The following ADGRV1 variants were observed in gnomAD, a reference collection of about 807,000 sequenced individuals.
The protein encoded by ADGRV1 is G-protein coupled receptor 98.
In ADGRV1, 359 loss-of-function variants were observed where a neutral mutation model predicts 596.2. The observed-to-expected ratio is 0.60, with a 90% CI of 0.55 to 0.66. ADGRV1 has a LOEUF of 0.66. Ranked by LOEUF, ADGRV1 falls within the 30% of genes least tolerant of loss-of-function variation. The pLI, the probability that ADGRV1 is intolerant of heterozygous loss-of-function variation, is 0.00. For synonymous variants in ADGRV1, 2,681 were observed against 2,679.2 expected, an observed-to-expected ratio of 1.00 and a Z score of -0.02; for missense variants, 7,274 against 7,575.6, an observed-to-expected ratio of 0.96 and a Z score of 1.48.
chr5:90,920,555 G>A (rs1773789324), intron 83 of ADGRV1, among the ~76,000 whole-genome samples: 1 of 152,032 alleles, frequency 6.6e-6, no homozygotes, highest in Admixed American at 6.5e-5. Context: ...ATATACTAGT[G>A]AGAAATGATT....
At chr5:90,731,966 G>A (rs1639839588) in intron 50 of ADGRV1, among the ~76,000 whole-genome samples, 1 of 152,010 alleles carries the variant, frequency 6.6e-6, no homozygotes, top group African/African-American at 2.4e-5. Flanking sequence ...TTTAATGTCT[G>A]GTTTAATACA....
At chr5:90,662,060 T>C (rs1430875023) in intron 21 of ADGRV1, among the ~76,000 whole-genome samples, 1 of 152,058 alleles carries the variant, frequency 6.6e-6, no homozygotes. Context: ...AAAACCTTTT[T>C]AAATGAAAGT....
intron 58 of ADGRV1, 173 bp downstream of exon 58, chr5:90,759,761 T>A (rs1198570571): frequency 1.4e-4 from 87 of 615,962 alleles, no homozygotes; most frequent in Admixed American, 6.7e-4. Context: ...GTCAGGAGAT[T>A]GACACCATCC....
chr5:91,161,447 G>A (rs565887049), intron 89 of ADGRV1, among the ~76,000 whole-genome samples: 35 of 149,220 alleles, frequency 2.3e-4, no homozygotes, highest in African/African-American at 7.6e-4. Context: ...TTTTTGTTTT[G>A]TTTTGTAATG....
chr5:91,152,446 T>C (rs1796139343), intron 88 of ADGRV1, among the ~76,000 whole-genome samples: 1 of 152,158 alleles, frequency 6.6e-6, no homozygotes, highest in Non-Finnish European at 1.5e-5. Flanking sequence ...TTTCTTATAT[T>C]TTTTAACAGA....
intron 83 of ADGRV1, among the ~76,000 whole-genome samples, chr5:90,906,742 CTCT>C (rs1772360269): frequency 6.6e-6 from 1 of 151,940 alleles, no homozygotes; most frequent in Admixed American, 6.6e-5. Context: ...TATTGCTGCT[CTCT>C]TCTTTATTAT....
chr5:90,740,644 A>C (rs946125849), intron 50 of ADGRV1, among the ~76,000 whole-genome samples: 8 of 152,062 alleles, frequency 5.3e-5, no homozygotes, highest in African/African-American at 1.9e-4. Flanking sequence ...CTTGTCTGTC[A>C]CTGTGAGCCC....
At chr5:90,575,420 T>A (rs1039936825) in intron 1 of ADGRV1, among the ~76,000 whole-genome samples, 21 of 152,028 alleles carry the variant, frequency 1.4e-4, no homozygotes, top group Non-Finnish European at 2.6e-4. Flanking sequence ...GCCCAGCTAA[T>A]TTTTGTATTT....
chr5:90,674,623 T>A (rs562738340), intron 23 of ADGRV1: 1 of 155,974 alleles, frequency 6.4e-6, no homozygotes, highest in South Asian at 2.0e-4. Context: ...TCTATATTAA[T>A]TTCTTTTTGT....
rs1767207771 is a variant in ADGRV1, at chr5:90,643,078, A to G, written c.2553+37A>G. 3.3e-6 allele frequency: 5 copies of G among 1,502,886 alleles called. No homozygotes were observed. The African/African-American group carries it at 4.1e-5, about 12-fold the overall frequency. The allele number at this position is 1,502,886 out of a possible 1,614,324, so 93.1% of individuals were successfully genotyped here. On this transcript the variant is annotated intron_variant, in intron 13 of 89. Transcript: ENST00000405460. ...TATATTTTCTTTGTGTTTCTCTGTA[A>G]GATTGATAGTATTTGGTATATTATG... is the stretch of plus-strand genomic sequence containing the variant.
At chr5:90,765,522 A>C (rs1300033755) in intron 59 of ADGRV1, among the ~76,000 whole-genome samples, 2 of 151,890 alleles carry the variant, frequency 1.3e-5, no homozygotes, top group Admixed American at 1.3e-4. Context: ...ATTGCTACAT[A>C]ATTGATATAC....
At chr5:91,145,068 G>T (rs1795416849) in intron 87 of ADGRV1, among the ~76,000 whole-genome samples, 1 of 152,104 alleles carries the variant, frequency 6.6e-6, no homozygotes, top group South Asian at 2.1e-4. Flanking sequence ...TGCCCAGCTT[G>T]GGCTGGACAC....
chr5:90,619,387 G>A (rs1002839679), intron 4 of ADGRV1, among the ~76,000 whole-genome samples: 5 of 152,142 alleles, frequency 3.3e-5, no homozygotes, highest in South Asian at 2.1e-4. Context: ...TTGTATGATC[G>A]TGGTCATCTT....
intron 87 of ADGRV1, among the ~76,000 whole-genome samples, chr5:91,127,269 G>GT (rs1262535393): frequency 6.6e-6 from 1 of 152,196 alleles, no homozygotes. Flanking sequence ...GGCTGGCCTA[G>GT]TGGCTCATGC....
chr5:90,763,377 G>A lies in ADGRV1; in HGVS notation c.12193G>A (p.Gly4065Arg), dbSNP rs370489623. The A allele has an allele frequency of 6.2e-7, 1 of 1,613,116 alleles. No individual in the cohort carries two copies. Among genetic ancestry groups the A allele is most frequent in the Non-Finnish European group, 8.5e-7 (1 of 1,179,390 alleles). Residue 4065 changes from glycine (G) to arginine (R), a missense_variant, in exon 59 of 90, where the codon GGA becomes AGA. Physicochemically the swap from Gly to Arg is moderately radical, Grantham distance 125. Coordinates refer to ENST00000405460, the MANE Select transcript of ADGRV1 (RefSeq NM_032119.4). ...GACATTGACGGTTGTCCGGTCCCCA[G>A]GAGGAAAAGGAACCGTCCGACTTGA... Reference protein sequence around the residue: ...YVTLTVVRSPGGKGTVRLEWT... With the variant: ...YVTLTVVRSPRGKGTVRLEWT...
chr5:91,017,318 A>G (rs929012139), intron 85 of ADGRV1, among the ~76,000 whole-genome samples: 1 of 151,928 alleles, frequency 6.6e-6, no homozygotes, highest in Non-Finnish European at 1.5e-5. Flanking sequence ...TTGTAATTCC[A>G]TGTTCAAAAT....
intron 18 of ADGRV1, 32 bp from the exon 19 acceptor site, chr5:90,652,314 T>C (rs182407981): frequency 6.9e-7 from 1 of 1,447,172 alleles, no homozygotes; most frequent in Non-Finnish European, 9.4e-7. Flanking sequence ...TAAGATTCAC[T>C]ACTTATAAAT....
intron 83 of ADGRV1, among the ~76,000 whole-genome samples, chr5:90,961,507 A>AAG (rs1554178779): frequency 0.028 from 2,223 of 80,698 alleles, 43 homozygotes; most frequent in Non-Finnish European, 0.041. Context: ...AAAAAAAAAA[A>AAG]GGGGGGGTGG....
At chr5:90,866,078 G>C (rs1768061886) in intron 83 of ADGRV1, among the ~76,000 whole-genome samples, 1 of 152,120 alleles carries the variant, frequency 6.6e-6, no homozygotes, top group Non-Finnish European at 1.5e-5. Context: ...ATACTTTGCA[G>C]ACAAGTCTGC....
Sources: allele counts gnomAD v4.1 joint callset (sites outside exome capture counted in the v4.1 genomes callset), GRCh38; gene constraint gnomAD v4.1.1; transcripts MANE v1.5; gene names NCBI Gene and HGNC (gene_info 2026-07-23, HGNC 2026-07-21).